Variants in NOTCH2 observed in about 807,000 individuals in gnomAD.
NOTCH2 encodes notch receptor 2.
In NOTCH2, 29 loss-of-function variants were observed where a neutral mutation model predicts 235.8. The ratio of observed to expected loss-of-function variants is 0.12; its 90% CI spans 0.09 to 0.17. The LOEUF (loss-of-function observed/expected upper bound fraction) is 0.17. Among genes scored for constraint, NOTCH2 ranks in the 10% least tolerant of loss-of-function variants. The pLI is 1.00. For missense variants in NOTCH2, 2,285 were observed against 3,150.2 expected (o/e 0.73, Z 6.57); for synonymous variants, 1,086 against 1,141.5 (o/e 0.95, Z 0.98).
In NOTCH2 at chr1:119,922,338, C is replaced by T. The variant is rs764895571; in HGVS notation, c.5111G>A (p.Arg1704His). 13 of 1,614,140 alleles carry T rather than the reference C, an allele frequency of 8.1e-6. No individual in the cohort carries two copies. The highest frequency in any genetic ancestry group is 1.1e-5 in the South Asian group (1 of 91,088). ...LLGVIMAKRK[R>H]KHGSLWLPEG... is the part of the protein sequence containing the mutation. ...AGGCAGCCAGAGAGAGCCATGCTTA[C>T]GCTTTCGTTTTGCCATGATTACCCC... The change falls in exon 28 of 34, where the codon CGT (arginine) becomes CAT (histidine). Residue 1704 changes from arginine (R) to histidine (H), a missense_variant. By Grantham distance (29) the Arg-to-His change is conservative. Around this residue, in one of 6 missense-constraint regions of NOTCH2, gnomAD observed 1,173 missense variants for 1,515.3 expected, o/e 0.77. Coordinates refer to ENST00000256646, the MANE Select transcript of NOTCH2 (RefSeq NM_024408.4).
chr1:119,922,530 T>C, intron 27 of NOTCH2, 84 bp from the exon 28 acceptor site: 3 of 1,600,956 alleles, frequency 1.9e-6, no homozygotes, highest in Non-Finnish European at 2.6e-6. Flanking sequence ...GAGGGCAACT[T>C]TGACCTCAAC....
intron 23 of NOTCH2, among the ~76,000 whole-genome samples, chr1:119,927,825 T>C (rs1482893894): frequency 6.6e-6 from 1 of 152,230 alleles, no homozygotes; most frequent in Non-Finnish European, 1.5e-5. Context: ...TCTTTTTTGA[T>C]GTTAGTGTAT....
intron 1 of NOTCH2, among the ~76,000 whole-genome samples, chr1:120,062,968 T>C (rs1161604138): frequency 6.6e-6 from 1 of 152,152 alleles, no homozygotes; most frequent in Non-Finnish European, 1.5e-5. Flanking sequence ...GCCATACAGA[T>C]AATATTCTCC....
intron 17 of NOTCH2, among the ~76,000 whole-genome samples, chr1:119,942,816 G>C (rs1234212562): frequency 6.6e-6 from 1 of 151,280 alleles, no homozygotes; most frequent in Non-Finnish European, 1.5e-5. Context: ...CATCAATTGT[G>C]CCTTGGATAC....
chr1:119,951,436 G>A (rs1364231477), intron 14 of NOTCH2, among the ~76,000 whole-genome samples: 22 of 152,320 alleles, frequency 1.4e-4, no homozygotes, highest in Admixed American at 9.8e-4. Context: ...ACAGGTGTGA[G>A]CCATCGCACC....
chr1:119,922,584 C>T (rs2101155616), intron 27 of NOTCH2, 52 bp downstream of exon 27: 1 of 1,612,404 alleles, frequency 6.2e-7, no homozygotes, highest in Non-Finnish European at 8.5e-7. Context: ...ATTGTTCCCC[C>T]AATTGACACT....
rs782298963 is a variant in NOTCH2 at position 119,950,861 on chromosome 1, A to G, written c.2366-24T>C. On this transcript the variant is annotated intron_variant, in intron 14 of 33. Coordinates refer to ENST00000256646, the MANE Select transcript of NOTCH2 (RefSeq NM_024408.4). ...GCCTGTAGACAAAAGGAAAAAACCA[A>G]AAACAGTAAAACTTTCTGACAGCCT... is the stretch of plus-strand genomic sequence containing the variant. 1.3e-5 allele frequency: 18 copies of G among 1,422,468 alleles called. No homozygotes were observed. The East Asian group carries it at 3.9e-4, about 31-fold the overall frequency. 88.1% of individuals were successfully genotyped at this position (1,422,468 alleles called of 1,614,324 possible).
intron 5 of NOTCH2, among the ~76,000 whole-genome samples, chr1:119,971,757 A>G (rs1651369699): frequency 6.6e-6 from 1 of 152,190 alleles, no homozygotes; most frequent in Non-Finnish European, 1.5e-5. Flanking sequence ...GTGCACAAAG[A>G]GAAAAAAACA....
chr1:119,916,337 T>C lies in NOTCH2; in HGVS notation c.6385A>G (p.Ser2129Gly), dbSNP rs147507822. The change falls in exon 34 of 34, where the codon AGT (serine) becomes GGT (glycine). Residue 2129 changes from serine to glycine, a missense_variant. Around this residue, in one of 6 missense-constraint regions of NOTCH2, gnomAD observed 504 missense variants for 538.0 expected, o/e 0.94. Coordinates refer to ENST00000256646, the MANE Select transcript of NOTCH2 (RefSeq NM_024408.4). ...LAKEAKDAKG[S>G]RRKKSLSEKV... is the part of the protein sequence containing the mutation. Reference sequence around the variant, plus strand: ...TCACTCAGAGACTTCTTCCTCCTACTACCCTTGGCATCCTTTGCCTCCTTG... The same window carrying C: ...TCACTCAGAGACTTCTTCCTCCTACCACCCTTGGCATCCTTTGCCTCCTTG... 3.1e-6 allele frequency: 5 copies of C among 1,614,068 alleles called. No homozygotes were observed. The African/African-American group carries it at 6.7e-5, about 22-fold the overall frequency.
intron 3 of NOTCH2, among the ~76,000 whole-genome samples, chr1:120,001,419 C>G (rs370164445): frequency 0.03 from 4,572 of 151,630 alleles, no homozygotes; most frequent in East Asian, 0.12. Context: ...TTGCCCTGCC[C>G]AGGCAGAGTT....
chr1:119,946,687 C>T (rs190252441), intron 17 of NOTCH2, among the ~76,000 whole-genome samples: 20 of 152,056 alleles, frequency 1.3e-4, no homozygotes, highest in Admixed American at 1.0e-3. Context: ...TGATAAAGGG[C>T]CTTTATGAAA....
In NOTCH2 at chr1:119,911,982, C is replaced by T. The variant is rs1648909880; in HGVS notation, c.*3324G>A. 1 of 233,364 alleles carries T rather than the reference C, an allele frequency of 4.3e-6. No homozygotes were observed. The highest frequency in any genetic ancestry group is 2.2e-5 in the African/African-American group (1 of 45,326). The allele number at this position is 233,364 out of a possible 1,614,324, so 14.5% of individuals were successfully genotyped here. A position where few individuals can be genotyped will look rare whatever the true frequency, so the allele number is the denominator to read the frequency against. On this transcript the variant is annotated 3_prime_UTR_variant, in exon 34 of 34. Coordinates refer to ENST00000256646, the MANE Select transcript of NOTCH2 (RefSeq NM_024408.4). ...AAGAAAAGAAAATTTGCTCTCTCAGCAAATTATGACATCATGAGGTAACAC... is the reference window on the plus strand; with the variant it reads ...AAGAAAAGAAAATTTGCTCTCTCAGTAAATTATGACATCATGAGGTAACAC...
chr1:119,941,789 G>A (rs2101106095), intron 17 of NOTCH2, 35 bp from the exon 18 acceptor site: 1 of 1,454,480 alleles, frequency 6.9e-7, no homozygotes, highest in Non-Finnish European at 9.7e-7. Context: ...CCTCTGAAGA[G>A]TAGCATCAGT....
chr1:119,920,959 T>A (rs978164975), intron 29 of NOTCH2, among the ~76,000 whole-genome samples: 2 of 152,180 alleles, frequency 1.3e-5, no homozygotes, highest in African/African-American at 4.8e-5. Context: ...GAATACCTAG[T>A]ACATGACAGG....
intron 3 of NOTCH2, 94 bp from the exon 4 acceptor site, chr1:119,997,426 G>A: frequency 1.7e-6 from 2 of 1,144,022 alleles, no homozygotes; most frequent in Non-Finnish European, 2.7e-6. Context: ...CTCTTGCGTG[G>A]AGAAGACCTC....
rs1323166050 is a variant in NOTCH2 at position 119,917,994 on chromosome 1, G to T, written c.5930-232C>A. Reference sequence around the variant, plus strand: ...TAGGTGAAAGGATCACTTGTATGAGGCATTCATGTCCCCTACATGGCAGAA... The same window carrying T: ...TAGGTGAAAGGATCACTTGTATGAGTCATTCATGTCCCCTACATGGCAGAA... On this transcript the variant is annotated intron_variant, in intron 32 of 33. Transcript: ENST00000256646. Among the ~76,000 whole-genome samples, 5 of 152,098 alleles carry T rather than the reference G, an allele frequency of 3.3e-5. 1 individual carries two copies. In the East Asian group the frequency reaches 9.6e-4, roughly 29 times the overall value.
intron 21 of NOTCH2, among the ~76,000 whole-genome samples, chr1:119,935,906 C>T (rs1206070264): frequency 6.6e-6 from 1 of 152,180 alleles, no homozygotes; most frequent in East Asian, 1.9e-4. Context: ...TTTTGTTCCT[C>T]CTGGGTACAG....
At chr1:119,989,424 G>A (rs1378129173) in intron 4 of NOTCH2, among the ~76,000 whole-genome samples, 2 of 151,342 alleles carry the variant, frequency 1.3e-5, no homozygotes, top group Non-Finnish European at 2.9e-5. Flanking sequence ...GATAAGCAAA[G>A]TTTTCACAAA....
intron 22 of NOTCH2, among the ~76,000 whole-genome samples, chr1:119,932,974 C>G (rs1553195352): frequency 6.6e-6 from 1 of 152,040 alleles, no homozygotes. Flanking sequence ...CACTTTTGGT[C>G]TATATGCATA....
Sources: allele counts gnomAD v4.1 joint callset (sites outside exome capture counted in the v4.1 genomes callset), GRCh38; gene constraint gnomAD v4.1.1; regional missense constraint gnomAD v4.1.1; transcripts MANE v1.5; gene names NCBI Gene and HGNC (gene_info 2026-07-23, HGNC 2026-07-21).